The following SUPT20HL1 variants were observed in gnomAD, a reference collection of about 807,000 sequenced individuals.
The protein encoded by SUPT20HL1 is transcription factor SPT20 homolog-like 1.
For missense variants in SUPT20HL1, 277 were observed against 200.3 expected (o/e 1.38, Z -2.31); for synonymous variants, 133 against 79.2 (o/e 1.68, Z -3.61).
At position 24,365,329 on chromosome X, in the gene SUPT20HL1, G is replaced by A. The variant is rs761865144; in HGVS notation, c.2569G>A (p.Ala857Thr). 3.9e-5 allele frequency: 15 copies of A among 385,599 alleles called. No individual in the cohort carries two copies. Among genetic ancestry groups the A allele is most frequent in the South Asian group, 9.4e-5 (4 of 42,640 alleles). The allele number at this position is 385,599 out of a possible 1,213,427, so 31.8% of individuals were successfully genotyped here. ...LQQPVFLATG[A>T]VQIVQPHPGV... ...GCAGCCAGTGTTTTTGGCAACAGGC[G>A]CTGTTCAGATAGTGCAGCCACATCC... is the stretch of plus-strand genomic sequence containing the variant. Residue 857 changes from alanine (A) to threonine (T), a missense_variant, in exon 1 of 1, where the codon GCT (alanine) becomes ACT (threonine). By Grantham distance (58) the Ala-to-Thr change is moderately conservative (BLOSUM62 0). Coordinates refer to ENST00000686983, the MANE Select transcript of SUPT20HL1 (RefSeq NM_001136234.3).
rs780368368 is a variant in SUPT20HL1 at position 24,363,354 on chromosome X, C to T, written c.594C>T (p.Ser198=). 3.9e-5 allele frequency: 15 copies of T among 385,518 alleles called. No individual in the cohort carries two copies. Among genetic ancestry groups the T allele is most frequent in the East Asian group, 3.0e-4 (4 of 13,319 alleles). The allele number at this position is 385,518 out of a possible 1,213,427, so 31.8% of individuals were successfully genotyped here. ...AGGAAGACAAGCTTCAGCTTGAGAG[C>T]CAGCTGATCTTAGCGACAGCTGAAC... ...WSQEDKLQLE[S]QLILATAEPL... is the part of the protein sequence containing the mutation. The change falls in exon 1 of 1, where the codon AGC becomes AGT. Residue 198 remains serine (S), a synonymous_variant. Coordinates refer to ENST00000686983, the MANE Select transcript of SUPT20HL1 (RefSeq NM_001136234.3).
chrX:24,364,482 G>C lies in SUPT20HL1; in HGVS notation c.1722G>C (p.Val574=), dbSNP rs778282259. 1 of 556,823 alleles carries C rather than the reference G, an allele frequency of 1.8e-6. No individual in the cohort carries two copies. Among genetic ancestry groups the C allele is most frequent in the African/African-American group, 2.3e-5 (1 of 44,280 alleles). The allele number at this position is 556,823 out of a possible 1,213,427, so 45.9% of individuals were successfully genotyped here. A position where few individuals can be genotyped will look rare whatever the true frequency, so the allele number is the denominator to read the frequency against. The change falls in exon 1 of 1, where the codon GTG becomes GTC. Residue 574 remains valine (V), a synonymous_variant. Transcript: ENST00000686983. ...CAAGTCATTCTCAGAAGCCCTCTGT[G>C]CCTCTCATTCAAGCTAGCAGGCCCT... The part of the protein sequence containing the change: ...AAPSHSQKPS[V]PLIQASRPCP...
chrX:24,360,868 C>T lies in SUPT20HL1; in HGVS notation c.-1893C>T, dbSNP rs769032263. Among the ~76,000 whole-genome samples, 3 of 111,921 alleles carry T rather than the reference C, an allele frequency of 2.7e-5. No individual in the cohort carries two copies. The highest frequency in any genetic ancestry group is 9.5e-5 in the Admixed American group (1 of 10,563). On this transcript the variant is annotated 5_prime_UTR_variant, in exon 1 of 1. Transcript: ENST00000686983. ...TCCCCTTGGCACTCACCATTCTGTA[C>T]ACACAGACAGAGTATTACCGCAAGC... is the stretch of plus-strand genomic sequence containing the variant.
chrX:24,364,095 T>C lies in SUPT20HL1; in HGVS notation c.1335T>C (p.Asp445=), dbSNP rs1371374347. The stretch of plus-strand genomic sequence containing the variant: ...CATGGAAAACACCAGAACAGCCTGA[T>C]CCTGTGTGGGTCCAGTCTTCAGTAT... ...LSSWKTPEQP[D]PVWVQSSVSG... is the part of the protein sequence containing the mutation. The change falls in exon 1 of 1, where the codon GAT becomes GAC. Residue 445 remains aspartate (D), a synonymous_variant. Coordinates refer to ENST00000686983, the MANE Select transcript of SUPT20HL1 (RefSeq NM_001136234.3). 1 of 566,356 alleles carries C rather than the reference T, an allele frequency of 1.8e-6. No individual in the cohort carries two copies. Among genetic ancestry groups the C allele is most frequent in the East Asian group, 3.3e-5 (1 of 29,982 alleles). The allele number at this position is 566,356 out of a possible 1,213,427, so 46.7% of individuals were successfully genotyped here. A position where few individuals can be genotyped will look rare whatever the true frequency, so the allele number is the denominator to read the frequency against.
rs757978774 is a variant in SUPT20HL1 at position 24,364,742 on chromosome X, G to C, written c.1982G>C (p.Gly661Ala). The C allele has an allele frequency of 7.2e-5, 29 of 404,234 alleles. No individual in the cohort carries two copies. The highest frequency in any genetic ancestry group is 4.3e-4 in the Middle Eastern group (1 of 2,352). 33.3% of individuals were successfully genotyped at this position (404,234 alleles called of 1,213,427 possible). ...SGGPLPDARP[G>A]AVQASSPAPL... is the part of the protein sequence containing the mutation. Reference sequence around the variant, plus strand: ...GGTCCACTACCAGATGCAAGGCCCGGTGCAGTGCAGGCATCTTCTCCAGCA... The same window carrying C: ...GGTCCACTACCAGATGCAAGGCCCGCTGCAGTGCAGGCATCTTCTCCAGCA... The change falls in exon 1 of 1, where the codon GGT becomes GCT. Residue 661 changes from glycine to alanine, a missense_variant. Coordinates refer to ENST00000686983, the MANE Select transcript of SUPT20HL1 (RefSeq NM_001136234.3).
Position 24,364,376 on chromosome X carries a change from C to G in SUPT20HL1, c.1616C>G (p.Ala539Gly), listed in dbSNP as rs1430040836. The G allele has an allele frequency of 8.0e-6, 5 of 621,439 alleles. No individual in the cohort carries two copies. The highest frequency in any genetic ancestry group is 6.1e-4 in the Middle Eastern group (2 of 3,262). 51.2% of individuals were successfully genotyped at this position (621,439 alleles called of 1,213,427 possible). The change falls in exon 1 of 1, where the codon GCT becomes GGT. Residue 539 changes from alanine (A) to glycine (G), a missense_variant. Ala to Gly is a moderately conservative substitution (Grantham distance 60). Transcript: ENST00000686983. The part of the protein sequence containing the change: ...ALAAAAAPAL[A>G]AAAAPAPAPA... ...GCTGCTGCTGCTGCTCCTGCTCTAG[C>G]TGCTGCTGCTGCTCCTGCTCCTGCT...
rs1404748154 is a variant in SUPT20HL1 at position 24,363,232 on chromosome X, C to T, written c.472C>T (p.Pro158Ser). The T allele has an allele frequency of 2.6e-6, 1 of 384,944 alleles. No individual in the cohort carries two copies. The highest frequency in any genetic ancestry group is 2.5e-5 in the Admixed American group (1 of 39,290). 31.7% of individuals were successfully genotyped at this position (384,944 alleles called of 1,213,427 possible). A position where few individuals can be genotyped will look rare whatever the true frequency, so the allele number is the denominator to read the frequency against. The change falls in exon 1 of 1, where the codon CCT becomes TCT. Residue 158 changes from proline (P) to serine (S), a missense_variant. Transcript: ENST00000686983. Reference protein sequence around the residue: ...DYRQSSNMQPPGYQSRHILLR... With the variant: ...DYRQSSNMQPSGYQSRHILLR... ...CAGGCAGTCCAGTAATATGCAACCT[C>T]CTGGTTACCAAAGCAGGCATATTCT...
chrX:24,365,531 C>T lies in SUPT20HL1; in HGVS notation c.*107C>T. 1 of 285,259 alleles carries T rather than the reference C, an allele frequency of 3.5e-6. No homozygotes were observed. Among genetic ancestry groups the T allele is most frequent in the South Asian group, 3.5e-5 (1 of 28,952 alleles). The allele number at this position is 285,259 out of a possible 1,213,427, so 23.5% of individuals were successfully genotyped here. On this transcript the variant is annotated 3_prime_UTR_variant, in exon 1 of 1. Transcript: ENST00000686983. ...TTTTTTTTCATGTTTCGGTATTTTA[C>T]ATTTTAAAGTACACAGTTTACACAG... is the stretch of plus-strand genomic sequence containing the variant.
Position 24,364,326 on chromosome X carries a change from A to G in SUPT20HL1, c.1566A>G (p.Leu522=). The G allele has an allele frequency of 1.5e-6, 1 of 689,551 alleles. No homozygotes were observed. Among genetic ancestry groups the G allele is most frequent in the Non-Finnish European group, 1.9e-6 (1 of 514,173 alleles). The allele number at this position is 689,551 out of a possible 1,213,427, so 56.8% of individuals were successfully genotyped here. The change falls in exon 1 of 1, where the codon CTA becomes CTG. Residue 522 remains leucine, a synonymous_variant. Coordinates refer to ENST00000686983, the MANE Select transcript of SUPT20HL1 (RefSeq NM_001136234.3). The stretch of plus-strand genomic sequence containing the variant: ...CTGCTGCTGCTCCTGCTCCTGCTCT[A>G]GCTGCTGCTGCTGCTCCTGCTCTAG... ...AAAAAAPAPA[L]AAAAAPALAA...
chrX:24,363,810 C>G lies in SUPT20HL1; in HGVS notation c.1050C>G (p.Thr350=), dbSNP rs774876127. 2.6e-6 allele frequency: 1 copy of G among 389,155 alleles called. No homozygotes were observed. The highest frequency in any genetic ancestry group is 2.3e-5 in the South Asian group (1 of 42,738). The allele number at this position is 389,155 out of a possible 1,213,427, so 32.1% of individuals were successfully genotyped here. A position where few individuals can be genotyped will look rare whatever the true frequency, so the allele number is the denominator to read the frequency against. ...ALEAGCQAWD[T]KPSIMQSFND... ...AAGCTGGCTGTCAGGCCTGGGACAC[C>G]AAGCCAAGCATCATGCAGTCGTTTA... The change falls in exon 1 of 1, where the codon ACC becomes ACG. Residue 350 remains threonine (T), a synonymous_variant. Transcript: ENST00000686983.
rs1800885913 is a variant in SUPT20HL1, at chrX:24,361,491, T to C, written c.-1270T>C. 8.9e-6 allele frequency among the ~76,000 whole-genome samples: 1 copy of C among 112,028 alleles called. No homozygotes were observed. The highest frequency in any genetic ancestry group is 3.2e-5 in the African/African-American group (1 of 30,804). ...ATAAAACAAACAAAACCAAACAAACTGGGAGATTTCAAGGCAACAAAGTTA... is the reference window on the plus strand; with the variant it reads ...ATAAAACAAACAAAACCAAACAAACCGGGAGATTTCAAGGCAACAAAGTTA... On this transcript the variant is annotated 5_prime_UTR_variant, in exon 1 of 1. Coordinates refer to ENST00000686983, the MANE Select transcript of SUPT20HL1 (RefSeq NM_001136234.3).
Position 24,367,392 on chromosome X carries a change from T to C in SUPT20HL1, c.*1968T>C, listed in dbSNP as rs1312628820. Among the ~76,000 whole-genome samples, 1 of 112,567 alleles carries C rather than the reference T, an allele frequency of 8.9e-6. No homozygotes were observed. The highest frequency in any genetic ancestry group is 3.2e-5 in the African/African-American group (1 of 30,998). On this transcript the variant is annotated 3_prime_UTR_variant, in exon 1 of 1. Transcript: ENST00000686983. ...TATACATGTATGTTTCTCTGCCTTTTGCCTTAACGAAATGAAAAGAAGTTT... is the reference window on the plus strand; with the variant it reads ...TATACATGTATGTTTCTCTGCCTTTCGCCTTAACGAAATGAAAAGAAGTTT...
In SUPT20HL1 at chrX:24,363,316, C is replaced by G. The variant is rs1207579; in HGVS notation, c.556C>G (p.Gln186Glu). 1,286 of 385,252 alleles carry G rather than the reference C, an allele frequency of 3.3e-3. 5 individuals are homozygous for G. The highest frequency in any genetic ancestry group is 0.012 in the South Asian group (532 of 42,635). 31.7% of individuals were successfully genotyped at this position (385,252 alleles called of 1,213,427 possible). ...HDVKMMTRDG[Q>E]KWSQEDKLQL... ...TGTGAAGATGATGACAAGAGATGGC[C>G]AGAAATGGAGCCAGGAAGACAAGCT... Residue 186 changes from glutamine (Q) to glutamate (E), a missense_variant, in exon 1 of 1, where the codon CAG (glutamine) becomes GAG (glutamate). Physicochemically the swap from Gln to Glu is conservative, Grantham distance 29. Transcript: ENST00000686983.
At position 24,363,813 on chromosome X, in the gene SUPT20HL1, G is replaced by T. The variant is rs758364787; in HGVS notation, c.1053G>T (p.Lys351Asn). ...CTGGCTGTCAGGCCTGGGACACCAA[G>T]CCAAGCATCATGCAGTCGTTTAATG... ...LEAGCQAWDT[K>N]PSIMQSFNDP... The change falls in exon 1 of 1, where the codon AAG becomes AAT. Residue 351 changes from lysine to asparagine, a missense_variant. By Grantham distance (94) the Lys-to-Asn change is moderately conservative (BLOSUM62 0). Coordinates refer to ENST00000686983, the MANE Select transcript of SUPT20HL1 (RefSeq NM_001136234.3). 4.4e-5 allele frequency: 17 copies of T among 387,729 alleles called. No homozygotes were observed. The highest frequency in any genetic ancestry group is 4.3e-4 in the Admixed American group (17 of 39,380). 32.0% of individuals were successfully genotyped at this position (387,729 alleles called of 1,213,427 possible). A position where few individuals can be genotyped will look rare whatever the true frequency, so the allele number is the denominator to read the frequency against.
chrX:24,366,310 G>A lies in SUPT20HL1; in HGVS notation c.*886G>A, dbSNP rs1939484319. On this transcript the variant is annotated 3_prime_UTR_variant, in exon 1 of 1. Transcript: ENST00000686983. ...AGGTTTATGTACAATATATGGAATG[G>A]AATTATTACACATTCATTTTGAAAA... 8.9e-6 allele frequency among the ~76,000 whole-genome samples: 1 copy of A among 111,859 alleles called. No homozygotes were observed.
At position 24,362,996 on chromosome X, in the gene SUPT20HL1, T is replaced by C. The variant is rs902637736; in HGVS notation, c.236T>C (p.Val79Ala). 2.8e-6 allele frequency: 1 copy of C among 361,988 alleles called. No homozygotes were observed. The highest frequency in any genetic ancestry group is 2.9e-5 in the African/African-American group (1 of 34,523). The allele number at this position is 361,988 out of a possible 1,213,427, so 29.8% of individuals were successfully genotyped here. The change falls in exon 1 of 1, where the codon GTC (valine) becomes GCC (alanine). Residue 79 changes from valine (V) to alanine (A), a missense_variant. By Grantham distance (64) the Val-to-Ala change is moderately conservative (BLOSUM62 0). Transcript: ENST00000686983. ...VRRESLPCLL[V>A]NLYPGNQGYS... Reference sequence around the variant, plus strand: ...AGAGAGTCCTTGCCATGTTTACTGGTCAATCTATACCCAGGCAATCAGGGG... The same window carrying C: ...AGAGAGTCCTTGCCATGTTTACTGGCCAATCTATACCCAGGCAATCAGGGG...
rs1939477799 is a variant in SUPT20HL1, at chrX:24,365,478, A to G, written c.*54A>G. ...AAGCACAGGAGCATTGACTCAAATG[A>G]TTTCCCAGTTTTTACTTGAGTTTTG... On this transcript the variant is annotated 3_prime_UTR_variant, in exon 1 of 1. Coordinates refer to ENST00000686983, the MANE Select transcript of SUPT20HL1 (RefSeq NM_001136234.3). The G allele has an allele frequency of 6.3e-6, 2 of 317,529 alleles. No individual in the cohort carries two copies. Among genetic ancestry groups the G allele is most frequent in the Non-Finnish European group, 1.2e-5 (2 of 161,117 alleles). The allele number at this position is 317,529 out of a possible 1,213,427, so 26.2% of individuals were successfully genotyped here.
Position 24,365,237 on chromosome X carries a change from A to G in SUPT20HL1, c.2477A>G (p.Gln826Arg), listed in dbSNP as rs1462419053. Residue 826 changes from glutamine (Q) to arginine (R), a missense_variant, in exon 1 of 1, where the codon CAG becomes CGG. Physicochemically the swap from Gln to Arg is conservative, Grantham distance 43. Coordinates refer to ENST00000686983, the MANE Select transcript of SUPT20HL1 (RefSeq NM_001136234.3). ...QQPQHIQLQTQQLRVLQQPQH... is the reference protein window; with the variant it reads ...QQPQHIQLQTRQLRVLQQPQH... ...CCGCAGCATATCCAGCTCCAGACTC[A>G]GCAGTTGAGAGTCTTGCAGCAGCCG... 1 of 377,504 alleles carries G rather than the reference A, an allele frequency of 2.6e-6. No individual in the cohort carries two copies. The highest frequency in any genetic ancestry group is 2.5e-5 in the African/African-American group (1 of 39,683). 31.1% of individuals were successfully genotyped at this position (377,504 alleles called of 1,213,427 possible).
rs142533267 is a variant in SUPT20HL1 at position 24,365,815 on chromosome X, C to G, written c.*391C>G. On this transcript the variant is annotated 3_prime_UTR_variant, in exon 1 of 1. Coordinates refer to ENST00000686983, the MANE Select transcript of SUPT20HL1 (RefSeq NM_001136234.3). ...TTTTAATTTTAAGTTAATATTTTAA[C>G]AAGAAGAGTGGGATTAAATTTATTT... Among the ~76,000 whole-genome samples, 1 of 112,263 alleles carries G rather than the reference C, an allele frequency of 8.9e-6. No individual in the cohort carries two copies. The highest frequency in any genetic ancestry group is 3.2e-5 in the African/African-American group (1 of 30,898).
Sources: allele counts gnomAD v4.1 joint callset (sites outside exome capture counted in the v4.1 genomes callset), GRCh38; gene constraint gnomAD v4.1.1; transcripts MANE v1.5; gene names NCBI Gene and HGNC (gene_info 2026-07-23, HGNC 2026-07-21).